The following MYO5C variants were observed in gnomAD, a reference collection of about 807,000 sequenced individuals.
MYO5C encodes unconventional myosin-Vc.
Under a neutral mutation model 235.7 loss-of-function variants are expected in MYO5C, and 194 were observed. The ratio of observed to expected loss-of-function variants is 0.82; its 90% confidence interval spans 0.73 to 0.93. MYO5C has a LOEUF of 0.93. MYO5C is among the 40% of genes least tolerant of loss of function. MYO5C has a pLI of 0.00. For missense variants in MYO5C, 2,038 were observed against 2,127.2 expected, an observed-to-expected ratio of 0.96 and a Z score of 0.82; for synonymous variants, 707 against 754.8, an observed-to-expected ratio of 0.94 and a Z score of 1.04.
At chr15:52,278,746 A>G in intron 4 of MYO5C, 127 bp downstream of exon 4, 1 of 1,160,594 alleles carries the variant, frequency 8.6e-7, no homozygotes, top group African/African-American at 1.5e-5. Context: ...TCGGCTCAAC[A>G]AAGCACCACC....
intron 36 of MYO5C, among the ~76,000 whole-genome samples, chr15:52,206,683 AC>A (rs551022753): frequency 2.4e-3 from 362 of 152,314 alleles, no homozygotes; most frequent in Non-Finnish European, 3.8e-3. Context: ...CCATGCTGGC[AC>A]CCTGATCTCA....
rs141915658 is a variant in MYO5C at position 52,285,229 on chromosome 15, G to A, written c.28-2337C>T. Among the ~76,000 whole-genome samples the A allele has an allele frequency of 3.6e-3, 543 of 152,116 alleles. 5 individuals are homozygous for A. The highest frequency in any genetic ancestry group is 0.013 in the African/African-American group (530 of 41,504). Reference sequence around the variant, plus strand: ...CTAAAAACACAAAAATTAGCTGGGCGTGGTGGTGCATGCCTGTAATCCCAA... The same window carrying A: ...CTAAAAACACAAAAATTAGCTGGGCATGGTGGTGCATGCCTGTAATCCCAA... On this transcript the variant is annotated intron_variant, in intron 1 of 40. Coordinates refer to ENST00000261839, the MANE Select transcript of MYO5C (RefSeq NM_018728.4).
At chr15:52,234,940 T>C (rs2036044148) in intron 23 of MYO5C, among the ~76,000 whole-genome samples, 1 of 152,124 alleles carries the variant, frequency 6.6e-6, no homozygotes, top group Non-Finnish European at 1.5e-5. Context: ...AAGAGATCCC[T>C]AGGCAAGATC....
At chr15:52,229,099 C>G in intron 25 of MYO5C, 34 bp downstream of exon 25, 2 of 1,609,324 alleles carry the variant, frequency 1.2e-6, no homozygotes, top group Non-Finnish European at 1.7e-6. Context: ...ATGACGTAAC[C>G]AGAGGGCGGG....
intron 30 of MYO5C, 39 bp from the exon 31 acceptor site, chr15:52,219,861 A>G (rs754345030): frequency 8.9e-6 from 13 of 1,460,364 alleles, no homozygotes; most frequent in South Asian, 6.9e-5. Flanking sequence ...GGGGGGGCAC[A>G]TATCACTGCA....
intron 36 of MYO5C, 134 bp from the exon 37 acceptor site, chr15:52,206,100 G>T: frequency 1.9e-6 from 1 of 534,236 alleles, no homozygotes; most frequent in Non-Finnish European, 3.1e-6. Flanking sequence ...GCTTGGGGTA[G>T]CATGTACCTT....
chr15:52,246,988 C>G lies in MYO5C; in HGVS notation c.1908G>C (p.Met636Ile), dbSNP rs972469804. 6.2e-6 allele frequency: 10 copies of G among 1,613,894 alleles called. No individual in the cohort carries two copies. The African/African-American group carries it at 1.3e-4, about 22-fold the overall frequency. Residue 636 changes from methionine (M) to isoleucine (I), a missense_variant, in exon 16 of 41, where the codon ATG (methionine) becomes ATC (isoleucine). Met to Ile is a conservative substitution (Grantham distance 10, BLOSUM62 1). Coordinates refer to ENST00000261839, the MANE Select transcript of MYO5C (RefSeq NM_018728.4). ...SKFRSSLYLL[M>I]ETLNATTPHY... ...GGGGCGTCGTCGCATTGAGGGTCTC[C>G]ATGAGCAAGTACAGAGAGCTGCGGA...
In MYO5C at chr15:52,272,635, AT is replaced by A. The variant is rs765278038; in HGVS notation, c.694del (p.Ile232LeufsTer2). ...TEISFDEQNQ[I>X]IGANMSTYLL... is the part of the protein sequence containing the mutation. Reference sequence around the variant, plus strand: ...GTAAGTGCTCATGTTGGCTCCTATAATTTGATTTTGTTCATCAAAACTGATT... The same window carrying A: ...GTAAGTGCTCATGTTGGCTCCTATAATTGATTTTGTTCATCAAAACTGATT... On this transcript the variant is annotated frameshift_variant, in exon 6 of 41. Coordinates refer to ENST00000261839, the MANE Select transcript of MYO5C (RefSeq NM_018728.4). LOFTEE classifies it high-confidence loss of function. The A allele has an allele frequency of 6.2e-7, 1 of 1,614,118 alleles. No homozygotes were observed. The highest frequency in any genetic ancestry group is 1.7e-5 in the Admixed American group (1 of 60,026).
Position 52,267,635 on chromosome 15 carries a change from G to A in MYO5C, c.940+2118C>T, listed in dbSNP as rs554420732. ...CCGGAGGCAGAGGTTGCAGTGAGCC[G>A]AGACTGCACCATTGTACCCCAGCCT... On this transcript the variant is annotated intron_variant, in intron 8 of 40. Coordinates refer to ENST00000261839, the MANE Select transcript of MYO5C (RefSeq NM_018728.4). Among the ~76,000 whole-genome samples the A allele has an allele frequency of 3.3e-5, 5 of 152,236 alleles. No homozygotes were observed. In the South Asian group the frequency reaches 6.2e-4, roughly 19 times the overall value.
chr15:52,251,772 C>T (rs2036478324), intron 12 of MYO5C, among the ~76,000 whole-genome samples: 1 of 152,024 alleles, frequency 6.6e-6, no homozygotes, highest in Non-Finnish European at 1.5e-5. Context: ...TCAAGCGATT[C>T]TCCTGCCTCA....
intron 32 of MYO5C, among the ~76,000 whole-genome samples, chr15:52,218,233 G>A (rs1349637162): frequency 1.3e-5 from 2 of 152,152 alleles, no homozygotes; most frequent in Non-Finnish European, 2.9e-5. Context: ...CCAGAGCACA[G>A]TGACTCCATC....
intron 7 of MYO5C, 62 bp from the exon 8 acceptor site, chr15:52,269,922 T>G (rs1566988361): frequency 8.8e-7 from 1 of 1,142,230 alleles, no homozygotes; most frequent in East Asian, 2.3e-5. Flanking sequence ...TACACATTTA[T>G]CAGAAGAAGG....
intron 2 of MYO5C, among the ~76,000 whole-genome samples, chr15:52,281,159 T>A (rs2037155483): frequency 6.6e-6 from 1 of 152,208 alleles, no homozygotes; most frequent in African/African-American, 2.4e-5. Context: ...CCTCTGTGTG[T>A]GTTATGTGTG....
rs1460175067 is a variant in MYO5C at position 52,247,448 on chromosome 15, T to C, written c.1881+10A>G. 4 of 1,613,624 alleles carry C rather than the reference T, an allele frequency of 2.5e-6. No individual in the cohort carries two copies. In the South Asian group the frequency reaches 4.4e-5, roughly 18 times the overall value. ...TTTAGACCCCTCACTCTCAAACACC[T>C]TCTCAGTACCTTGCTCCCAACTGTG... On this transcript the variant is annotated intron_variant, in intron 15 of 40. Transcript: ENST00000261839.
intron 12 of MYO5C, among the ~76,000 whole-genome samples, chr15:52,252,684 A>T (rs562169479): frequency 6.6e-6 from 1 of 152,084 alleles, no homozygotes; most frequent in Non-Finnish European, 1.5e-5. Context: ...CTGGAACAGG[A>T]GAATCACTTG....
intron 25 of MYO5C, among the ~76,000 whole-genome samples, chr15:52,227,956 T>C (rs548287826): frequency 6.6e-6 from 1 of 152,246 alleles, no homozygotes; most frequent in African/African-American, 2.4e-5. Flanking sequence ...TCCAACTTAA[T>C]GATGAAATGT....
chr15:52,217,501 G>T (rs1324039047), intron 32 of MYO5C, among the ~76,000 whole-genome samples: 3 of 152,166 alleles, frequency 2.0e-5, no homozygotes, highest in Non-Finnish European at 2.9e-5. Flanking sequence ...CCCACAGGAG[G>T]CAAGGCAAGG....
chr15:52,219,624 T>A lies in MYO5C; in HGVS notation c.3785+135A>T, dbSNP rs980387612. ...CATACACATATTTCTTTCCTTCCCA[T>A]CAGAATGGCAATATGTCATATATAT... On this transcript the variant is annotated intron_variant, in intron 31 of 40. Coordinates refer to ENST00000261839, the MANE Select transcript of MYO5C (RefSeq NM_018728.4). 5 of 660,234 alleles carry A rather than the reference T, an allele frequency of 7.6e-6. No homozygotes were observed. In the Admixed American group the frequency reaches 7.7e-5, roughly 10 times the overall value. The allele number at this position is 660,234 out of a possible 1,614,324, so 40.9% of individuals were successfully genotyped here. A position where few individuals can be genotyped will look rare whatever the true frequency, so the allele number is the denominator to read the frequency against.
rs943998052 is a variant in MYO5C at position 52,203,410 on chromosome 15, T to A, written c.4820+1455A>T. 3.9e-5 allele frequency among the ~76,000 whole-genome samples: 6 copies of A among 152,110 alleles called. No individual in the cohort carries two copies. The East Asian group carries it at 1.2e-3, about 29-fold the overall frequency. The stretch of plus-strand genomic sequence containing the variant: ...TCGCCCAGGTTGGAGTGCAATGGTG[T>A]GATCTTGGCTCACTGCAACCTCTGC... On this transcript the variant is annotated intron_variant, in intron 38 of 40. Transcript: ENST00000261839.
Sources: allele counts gnomAD v4.1 joint callset (sites outside exome capture counted in the v4.1 genomes callset), GRCh38; gene constraint gnomAD v4.1.1; transcripts MANE v1.5; gene names NCBI Gene and HGNC (gene_info 2026-07-23, HGNC 2026-07-21).